SEMA5A: variants seen among roughly 807,000 people sequenced by gnomAD.
SEMA5A encodes the protein semaphorin-5A.
A neutral mutation model predicts 135.5 loss-of-function variants in SEMA5A; 55 were observed. The ratio of observed to expected loss-of-function variants is 0.41; its 90% confidence interval spans 0.33 to 0.51. The LOEUF (loss-of-function observed/expected upper bound fraction) is 0.51, where lower values mean the gene tolerates loss of function less well. Ranked by LOEUF, SEMA5A falls within the 20% of genes least tolerant of loss-of-function variation. The pLI, the probability that SEMA5A is intolerant of heterozygous loss-of-function variation, is 0.37. For synonymous variants in SEMA5A, 580 were observed against 546.5 expected, an observed-to-expected ratio of 1.06 and a Z score of -0.85; for missense variants, 1,290 against 1,419.9, an observed-to-expected ratio of 0.91 and a Z score of 1.47.
At chr5:9,478,169 T>C (rs762632970) in intron 1 of SEMA5A, among the ~76,000 whole-genome samples, 5 of 152,268 alleles carry the variant, frequency 3.3e-5, no homozygotes, top group Admixed American at 2.6e-4. Context: ...AAAACAAGAG[T>C]TGAGCTTTGA....
chr5:9,305,708 G>GTATATATATA (rs146829804), intron 5 of SEMA5A, among the ~76,000 whole-genome samples: 1 of 139,228 alleles, frequency 7.2e-6, no homozygotes, highest in Non-Finnish European at 1.5e-5. Context: ...GTGTGTGTGC[G>GTATATATATA]TATATATATA....
At chr5:9,442,437 C>T (rs1254973566) in intron 1 of SEMA5A, among the ~76,000 whole-genome samples, 1 of 152,194 alleles carries the variant, frequency 6.6e-6, no homozygotes, top group Admixed American at 6.5e-5. Context: ...TCCTGGACTC[C>T]AGCTATGCAC....
At chr5:9,067,507 TG>T (rs1445305773) in intron 16 of SEMA5A, among the ~76,000 whole-genome samples, 8 of 152,220 alleles carry the variant, frequency 5.3e-5, no homozygotes, top group Non-Finnish European at 1.2e-4. Flanking sequence ...CACCTAGTGA[TG>T]GCCACAGGAT....
At chr5:9,290,157 A>T (rs1751008993) in intron 5 of SEMA5A, among the ~76,000 whole-genome samples, 1 of 152,182 alleles carries the variant, frequency 6.6e-6, no homozygotes, top group African/African-American at 2.4e-5. Context: ...CTATCACCCA[A>T]GCAGGCTACA....
chr5:9,275,840 T>A (rs989287298), intron 5 of SEMA5A, among the ~76,000 whole-genome samples: 4 of 152,096 alleles, frequency 2.6e-5, no homozygotes, highest in Non-Finnish European at 5.9e-5. Context: ...TCTCAAATAA[T>A]AAGAGCTATT....
At chr5:9,399,777 T>C (rs10070100) in intron 2 of SEMA5A, among the ~76,000 whole-genome samples, 1 of 151,806 alleles carries the variant, frequency 6.6e-6, no homozygotes, top group Admixed American at 6.6e-5. Context: ...TTCTCAGTCT[T>C]GGGTAAGAGG....
intron 8 of SEMA5A, among the ~76,000 whole-genome samples, chr5:9,205,898 C>G (rs989215053): frequency 6.6e-6 from 1 of 152,126 alleles, no homozygotes; most frequent in Non-Finnish European, 1.5e-5. Flanking sequence ...TGAAATTCGG[C>G]TAGCATCCTG....
intron 4 of SEMA5A, among the ~76,000 whole-genome samples, chr5:9,335,254 A>G (rs537319674): frequency 4.9e-4 from 75 of 152,070 alleles, no homozygotes; most frequent in African/African-American, 1.8e-3. Context: ...AGAGAGAGAC[A>G]CCCCACTGAC....
intron 6 of SEMA5A, among the ~76,000 whole-genome samples, chr5:9,236,181 C>A (rs1747897699): frequency 6.6e-6 from 1 of 152,132 alleles, no homozygotes; most frequent in Non-Finnish European, 1.5e-5. Flanking sequence ...GGTGGGGACA[C>A]AGCCAAACCA....
intron 6 of SEMA5A, among the ~76,000 whole-genome samples, chr5:9,230,620 G>C (rs2150433209): frequency 6.6e-6 from 1 of 152,258 alleles, no homozygotes; most frequent in South Asian, 2.1e-4. Context: ...GAGTGAGTGT[G>C]TGGAAAAAAA....
chr5:9,197,052 G>A (rs1392376596), intron 10 of SEMA5A, 116 bp downstream of exon 10: 1 of 1,401,942 alleles, frequency 7.1e-7, no homozygotes, highest in Non-Finnish European at 9.8e-7. Context: ...AGGGGCCAGG[G>A]AGACAGCTGC....
intron 5 of SEMA5A, among the ~76,000 whole-genome samples, chr5:9,249,217 G>A (rs1454877639): frequency 6.6e-6 from 1 of 152,208 alleles, no homozygotes; most frequent in African/African-American, 2.4e-5. Context: ...AATTGTGTTT[G>A]TGTAAGGTAA....
chr5:9,541,345 C>T (rs3798091), intron 1 of SEMA5A, among the ~76,000 whole-genome samples: 22,821 of 152,140 alleles, frequency 0.15, 2,031 homozygotes, highest in East Asian at 0.31. Flanking sequence ...CCAGTGTATA[C>T]TTCCTCATTA....
chr5:9,420,893 G>A (rs989808362), intron 2 of SEMA5A, among the ~76,000 whole-genome samples: 2 of 152,142 alleles, frequency 1.3e-5, no homozygotes, highest in African/African-American at 4.8e-5. Flanking sequence ...GCGTGCACCT[G>A]TAGTCCCAGC....
intron 1 of SEMA5A, among the ~76,000 whole-genome samples, chr5:9,520,345 A>C (rs1736755640): frequency 6.6e-6 from 1 of 152,190 alleles, no homozygotes; most frequent in Admixed American, 6.5e-5. Context: ...CCTATGGAGG[A>C]TGATGGAGAA....
chr5:9,096,734 C>T (rs1030482808), intron 16 of SEMA5A, among the ~76,000 whole-genome samples: 3 of 151,886 alleles, frequency 2.0e-5, no homozygotes, highest in African/African-American at 7.3e-5. Context: ...ATAAAGAACT[C>T]ATACAACATG....
At chr5:9,163,720 T>C (rs1346124011) in intron 11 of SEMA5A, among the ~76,000 whole-genome samples, 1 of 151,992 alleles carries the variant, frequency 6.6e-6, no homozygotes, top group Non-Finnish European at 1.5e-5. Context: ...CAATCGTTAG[T>C]GTAGGCCCTC....
At chr5:9,529,413 G>C (rs1255978006) in intron 1 of SEMA5A, among the ~76,000 whole-genome samples, 1 of 152,222 alleles carries the variant, frequency 6.6e-6, no homozygotes, top group African/African-American at 2.4e-5. Flanking sequence ...GACCTGCCCT[G>C]CCTGGACACC....
chr5:9,422,289 G>A (rs558001573), intron 2 of SEMA5A: 14 of 152,228 alleles, frequency 9.2e-5, no homozygotes, highest in Middle Eastern at 3.4e-3. Context: ...TCTTCAACCT[G>A]GGCAACGCAT....
Sources: gnomAD v4.1 joint callset for allele counts (sites outside exome capture counted in the v4.1 genomes callset) on GRCh38, gnomAD v4.1.1 for gene constraint, MANE v1.5 for transcripts, NCBI Gene and HGNC (gene_info 2026-07-23, HGNC 2026-07-21) for gene names.